Variants in ITGA9 observed in about 807,000 individuals in gnomAD.
ITGA9 encodes integrin alpha-9.
A neutral mutation model predicts 127.8 loss-of-function variants in ITGA9; 56 were observed. The ratio of observed to expected loss-of-function variants is 0.44; its 90% CI spans 0.35 to 0.55. The LOEUF (loss-of-function observed/expected upper bound fraction) is 0.55. Ranked by LOEUF, ITGA9 falls within the 20% of genes least tolerant of loss-of-function variation. The pLI is 0.00. For synonymous variants in ITGA9, 508 were observed against 514.5 expected (o/e 0.99, Z 0.17); for missense variants, 1,196 against 1,347.1 (o/e 0.89, Z 1.76).
At chr3:37,563,373 A>C (rs1699513532) in intron 15 of ITGA9, among the ~76,000 whole-genome samples, 1 of 152,128 alleles carries the variant, frequency 6.6e-6, no homozygotes, top group Admixed American at 6.5e-5. Flanking sequence ...TCAACCCCCT[A>C]AATTTTGGAT....
At chr3:37,737,785 C>T (rs1447033475) in intron 20 of ITGA9, among the ~76,000 whole-genome samples, 1 of 152,222 alleles carries the variant, frequency 6.6e-6, no homozygotes, top group Non-Finnish European at 1.5e-5. Flanking sequence ...TTAAACTTAA[C>T]AGAAGTCTTA....
At chr3:37,529,016 C>CTT (rs1476491396) in intron 13 of ITGA9, among the ~76,000 whole-genome samples, 1 of 91,342 alleles carries the variant, frequency 1.1e-5, no homozygotes, top group African/African-American at 4.3e-5. Flanking sequence ...ACAGTATGGA[C>CTT]TCTTGTTTCT....
intron 1 of ITGA9, among the ~76,000 whole-genome samples, chr3:37,454,237 AG>A (rs2125544089): frequency 6.6e-6 from 1 of 152,346 alleles, no homozygotes; most frequent in Non-Finnish European, 1.5e-5. Context: ...AGAGGGAGAG[AG>A]GCCAGGCCAC....
At chr3:37,725,808 C>T (rs1696183306) in intron 18 of ITGA9, among the ~76,000 whole-genome samples, 1 of 152,232 alleles carries the variant, frequency 6.6e-6, no homozygotes, top group Non-Finnish European at 1.5e-5. Context: ...CTTCATTTTA[C>T]TGGTAAGGAA....
chr3:37,752,772 C>G (rs1696603578), intron 23 of ITGA9, among the ~76,000 whole-genome samples: 2 of 152,198 alleles, frequency 1.3e-5, no homozygotes, highest in Admixed American at 6.5e-5. Flanking sequence ...CTAGCTTTCA[C>G]CAAAGAGTCT....
chr3:37,738,364 C>G (rs1276302297), intron 20 of ITGA9, among the ~76,000 whole-genome samples: 1 of 152,202 alleles, frequency 6.6e-6, no homozygotes, highest in Admixed American at 6.5e-5. Flanking sequence ...CCTGTTACAC[C>G]TGTGTAGGTG....
intron 17 of ITGA9, among the ~76,000 whole-genome samples, chr3:37,681,682 G>T (rs1700736245): frequency 6.6e-6 from 1 of 152,100 alleles, no homozygotes. Context: ...CCACTCACAT[G>T]GATTTATTTT....
intron 25 of ITGA9, among the ~76,000 whole-genome samples, chr3:37,781,384 C>T (rs1486471551): frequency 2.6e-5 from 4 of 152,208 alleles, no homozygotes; most frequent in Non-Finnish European, 5.9e-5. Flanking sequence ...AATAAATGGG[C>T]ATGGCTGTGA....
Position 37,676,037 on chromosome 3 carries a change from C to T in ITGA9, c.1917-7828C>T, listed in dbSNP as rs182470676. 2.1e-3 allele frequency among the ~76,000 whole-genome samples: 315 copies of T among 152,244 alleles called. 1 individual carries two copies. Among genetic ancestry groups the T allele is most frequent in the African/African-American group, 7.3e-3 (302 of 41,556 alleles). On this transcript the variant is annotated intron_variant, in intron 17 of 27. Transcript: ENST00000264741. ...GATTACAGGCATGAGTCATCACGCC[C>T]GGCCCAAAACTATTTACTTTCATTT...
chr3:37,591,843 T>G (rs1388614402), intron 15 of ITGA9, among the ~76,000 whole-genome samples: 1 of 152,250 alleles, frequency 6.6e-6, no homozygotes, highest in East Asian at 1.9e-4. Context: ...CCTGAGCGCC[T>G]TGGGTTTCTC....
intron 22 of ITGA9, chr3:37,745,334 T>G (rs1696488038): frequency 6.6e-6 from 1 of 152,300 alleles, no homozygotes; most frequent in African/African-American, 2.4e-5. Flanking sequence ...TGTCACACCC[T>G]GCTCTTGATT....
chr3:37,540,698 C>T (rs1490770192), intron 14 of ITGA9, among the ~76,000 whole-genome samples: 3 of 152,186 alleles, frequency 2.0e-5, no homozygotes, highest in Admixed American at 1.3e-4. Flanking sequence ...TAGTGGTCTC[C>T]AGGATTGCCT....
chr3:37,815,171 TGAGCACATG>T (rs1165581759), intron 27 of ITGA9, among the ~76,000 whole-genome samples: 2 of 152,356 alleles, frequency 1.3e-5, no homozygotes, highest in African/African-American at 4.8e-5. Flanking sequence ...CATAAAAACT[TGAGCACATG>T]AAAGCCACAT....
intron 17 of ITGA9, among the ~76,000 whole-genome samples, chr3:37,672,568 T>C (rs1700647433): frequency 6.6e-6 from 1 of 152,130 alleles, no homozygotes. Flanking sequence ...ACAGGCGGGA[T>C]AGGCACACCT....
chr3:37,760,006 G>A (rs1368052712), intron 23 of ITGA9, among the ~76,000 whole-genome samples: 1 of 151,924 alleles, frequency 6.6e-6, no homozygotes, highest in Non-Finnish European at 1.5e-5. Flanking sequence ...GCGGGTGTGA[G>A]GTTAGGAGTT....
At chr3:37,488,776 T>A (rs938705009) in intron 4 of ITGA9, among the ~76,000 whole-genome samples, 1 of 150,524 alleles carries the variant, frequency 6.6e-6, no homozygotes, top group Admixed American at 6.6e-5. Flanking sequence ...CCAGTCTGGG[T>A]GACAGAATGA....
intron 16 of ITGA9, among the ~76,000 whole-genome samples, chr3:37,650,017 A>G (rs894459981): frequency 1.1e-4 from 17 of 152,182 alleles, no homozygotes; most frequent in South Asian, 2.1e-4. Context: ...GGGCAACTCA[A>G]TGGGATTGGA....
rs1696470726 is a variant in ITGA9, at chr3:37,744,054, T to A, written c.2433+20T>A. ...CTTCAGGTACCCACTCCTGGAGACC[T>A]CCTCTGTCCGTGGGGGCTAACGGAA... On this transcript the variant is annotated intron_variant, in intron 22 of 27. Transcript: ENST00000264741. The A allele has an allele frequency of 6.6e-7, 1 of 1,515,822 alleles. No homozygotes were observed. The highest frequency in any genetic ancestry group is 1.4e-5 in the African/African-American group (1 of 73,054). The allele number at this position is 1,515,822 out of a possible 1,614,324, so 93.9% of individuals were successfully genotyped here. A position where few individuals can be genotyped will look rare whatever the true frequency, so the allele number is the denominator to read the frequency against.
intron 15 of ITGA9, among the ~76,000 whole-genome samples, chr3:37,616,157 A>G (rs1559550083): frequency 6.6e-6 from 1 of 152,134 alleles, no homozygotes; most frequent in Non-Finnish European, 1.5e-5. Flanking sequence ...AGATTCTGGT[A>G]TGTTGTGTCT....
Sources: allele counts gnomAD v4.1 joint callset (sites outside exome capture counted in the v4.1 genomes callset), GRCh38; gene constraint gnomAD v4.1.1; transcripts MANE v1.5; gene names NCBI Gene and HGNC (gene_info 2026-07-23, HGNC 2026-07-21).